The following LAMA2 variants were observed in gnomAD, a reference collection of about 807,000 sequenced individuals.
LAMA2 encodes laminin subunit alpha-2.
LAMA2 carries 269 observed loss-of-function variants against 364.8 expected under a neutral mutation model. The observed-to-expected ratio is 0.74, with a 90% CI of 0.67 to 0.82. The LOEUF is 0.82. Among genes scored for constraint, LAMA2 ranks in the 40% least tolerant of loss-of-function variants. The probability of loss-of-function intolerance (pLI) is 0.00; values close to 1 mark genes in which losing one functional copy is unlikely to be tolerated. For synonymous variants in LAMA2, 1,379 were observed against 1,370.6 expected, an observed-to-expected ratio of 1.01 and a Z score of -0.14; for missense variants, 3,807 against 3,873.2, an observed-to-expected ratio of 0.98 and a Z score of 0.45.
At chr6:128,943,781 T>A (rs1418374495) in intron 1 of LAMA2, among the ~76,000 whole-genome samples, 3 of 152,206 alleles carry the variant, frequency 2.0e-5, no homozygotes, top group Admixed American at 2.0e-4. Flanking sequence ...AAGAAAAATG[T>A]CTGCTTTGTG....
At chr6:128,965,369 C>G (rs2114605116) in intron 1 of LAMA2, among the ~76,000 whole-genome samples, 1 of 152,094 alleles carries the variant, frequency 6.6e-6, no homozygotes, top group East Asian at 1.9e-4. Flanking sequence ...TGATAAAACT[C>G]TTTAAATACT....
intron 1 of LAMA2, among the ~76,000 whole-genome samples, chr6:129,039,217 A>G (rs570371282): frequency 9.5e-4 from 145 of 152,350 alleles, no homozygotes; most frequent in African/African-American, 3.4e-3. Context: ...TCTGTGTGGC[A>G]AAGTCAGAAA....
At chr6:129,405,723 A>G (rs1223634950) in intron 40 of LAMA2, among the ~76,000 whole-genome samples, 1 of 152,210 alleles carries the variant, frequency 6.6e-6, no homozygotes, top group East Asian at 1.9e-4. Flanking sequence ...ATAGATCAGT[A>G]TAATATAGTT....
intron 4 of LAMA2, among the ~76,000 whole-genome samples, chr6:129,138,702 TC>T (rs1253625564): frequency 6.6e-6 from 1 of 152,150 alleles, no homozygotes; most frequent in African/African-American, 2.4e-5. Context: ...GTGAAAGCTT[TC>T]TGATAAGGTA....
chr6:129,027,646 G>GT (rs1209173838), intron 1 of LAMA2, among the ~76,000 whole-genome samples: 4 of 151,760 alleles, frequency 2.6e-5, no homozygotes, highest in Admixed American at 6.6e-5. Flanking sequence ...GAAAAGATGA[G>GT]TTTTTTTCTC....
chr6:128,961,353 AT>A (rs566360253), intron 1 of LAMA2, among the ~76,000 whole-genome samples: 3 of 73,834 alleles, frequency 4.1e-5, no homozygotes, highest in African/African-American at 1.6e-4. Flanking sequence ...ATATATATAT[AT>A]ATATATATAT....
chr6:129,475,432 G>A (rs752564217), intron 53 of LAMA2, 31 bp downstream of exon 53: 6 of 1,549,486 alleles, frequency 3.9e-6, no homozygotes, highest in African/African-American at 2.8e-5. Context: ...TGCCTTCTTC[G>A]AGTGCATGGG....
intron 1 of LAMA2, among the ~76,000 whole-genome samples, chr6:129,044,396 A>T (rs554410751): frequency 3.9e-4 from 60 of 152,250 alleles, no homozygotes; most frequent in African/African-American, 1.2e-3. Context: ...GTGTGAACAT[A>T]CTACATTATT....
chr6:129,040,504 C>T (rs1454092669), intron 1 of LAMA2, among the ~76,000 whole-genome samples: 3 of 152,004 alleles, frequency 2.0e-5, no homozygotes, highest in Non-Finnish European at 4.4e-5. Context: ...TGGCTTGCAC[C>T]TGTAGTTCTA....
chr6:129,150,226 T>C (rs967372393), intron 7 of LAMA2, among the ~76,000 whole-genome samples: 2 of 152,196 alleles, frequency 1.3e-5, no homozygotes, highest in Non-Finnish European at 2.9e-5. Flanking sequence ...CCCAGCCTTT[T>C]GTTTCCTTCA....
intron 52 of LAMA2, 96 bp downstream of exon 52, chr6:129,473,448 A>G: frequency 8.2e-7 from 1 of 1,223,654 alleles, no homozygotes; most frequent in Non-Finnish European, 1.2e-6. Context: ...TAAGAATGTC[A>G]TATAACCCTT....
chr6:129,403,999 AC>A, intron 40 of LAMA2, 40 bp downstream of exon 40: 1 of 1,610,226 alleles, frequency 6.2e-7, no homozygotes, highest in East Asian at 2.2e-5. Flanking sequence ...ATGGAAGTCA[AC>A]CTTTTTGAAT....
chr6:129,335,567 A>T (rs1024025929), intron 29 of LAMA2, among the ~76,000 whole-genome samples: 3 of 152,120 alleles, frequency 2.0e-5, no homozygotes. Flanking sequence ...TTCTTATTTT[A>T]AAAAGAAAAT....
At chr6:128,930,102 G>T (rs779673088) in intron 1 of LAMA2, 58 of 307,856 alleles carry the variant, frequency 1.9e-4, no homozygotes, top group Non-Finnish European at 3.1e-4. Flanking sequence ...CCCACAGCCC[G>T]CACAGGGCGG....
At chr6:128,901,227 C>T (rs1777064682) in intron 1 of LAMA2, among the ~76,000 whole-genome samples, 2 of 152,292 alleles carry the variant, frequency 1.3e-5, no homozygotes, top group African/African-American at 2.4e-5. Context: ...TCTATAGATT[C>T]AATTTTCAAA....
At chr6:129,446,491 G>C in intron 45 of LAMA2, among the ~76,000 whole-genome samples, 1 of 122,488 alleles carries the variant, frequency 8.2e-6, no homozygotes, top group Non-Finnish European at 1.7e-5. Context: ...TTAGTCAAAG[G>C]AAGGAAGTAA....
chr6:129,456,969 G>T (rs1782998928), intron 48 of LAMA2, among the ~76,000 whole-genome samples: 1 of 152,166 alleles, frequency 6.6e-6, no homozygotes, highest in Non-Finnish European at 1.5e-5. Context: ...CTTATAGGAT[G>T]ATGCACTTAA....
chr6:129,063,580 G>A (rs902226362), intron 3 of LAMA2, among the ~76,000 whole-genome samples: 1 of 152,108 alleles, frequency 6.6e-6, no homozygotes, highest in Admixed American at 6.6e-5. Flanking sequence ...GCTAATCCAG[G>A]AATGCCATTA....
Position 129,267,144 on chromosome 6 carries a change from T to G in LAMA2, c.2247T>G (p.Ile749Met). ...GGCACAGGCGAGTTAACGGCACTAT[T>G]TTTGGTGGCATCTGTGAGCCATGTC... Reference protein sequence around the residue: ...WPRHRRVNGTIFGGICEPCQC... With the variant: ...WPRHRRVNGTMFGGICEPCQC... The change falls in exon 16 of 65, where the codon ATT becomes ATG. Residue 749 changes from isoleucine to methionine, a missense_variant. Around this residue, in one of 3 missense-constraint regions of LAMA2, gnomAD observed 3,333 missense variants for 3,345.7 expected, o/e 1.00. Coordinates refer to ENST00000421865, the MANE Select transcript of LAMA2 (RefSeq NM_000426.4). 2 of 1,613,338 alleles carry G rather than the reference T, an allele frequency of 1.2e-6. No individual in the cohort carries two copies. The highest frequency in any genetic ancestry group is 1.7e-6 in the Non-Finnish European group (2 of 1,179,420).
Sources: allele counts gnomAD v4.1 joint callset (sites outside exome capture counted in the v4.1 genomes callset), GRCh38; gene constraint gnomAD v4.1.1; regional missense constraint gnomAD v4.1.1; transcripts MANE v1.5; gene names NCBI Gene and HGNC (gene_info 2026-07-23, HGNC 2026-07-21).